The following RANBP17 variants were observed in gnomAD, a reference collection of about 807,000 sequenced individuals.
RANBP17 encodes the protein RAN binding protein 17.
Under a neutral mutation model 141.2 loss-of-function variants are expected in RANBP17, and 158 were observed. That is an observed-to-expected ratio of 1.12 (90% CI 0.98 to 1.28). The LOEUF (loss-of-function observed/expected upper bound fraction) is 1.28. RANBP17 is among the 50% of genes most tolerant of loss of function. RANBP17 has a pLI of 0.00. For synonymous variants in RANBP17, 430 were observed against 450.0 expected (o/e 0.96, Z 0.56); for missense variants, 1,438 against 1,290.7 (o/e 1.11, Z -1.75).
intron 22 of RANBP17, among the ~76,000 whole-genome samples, chr5:171,224,613 G>T (rs1763781648): frequency 6.6e-6 from 1 of 152,202 alleles, no homozygotes; most frequent in Non-Finnish European, 1.5e-5. Flanking sequence ...ACTATGTGAG[G>T]ATTATGTCGG....
intron 25 of RANBP17, among the ~76,000 whole-genome samples, chr5:171,280,003 C>T (rs1767757963): frequency 6.6e-6 from 1 of 152,114 alleles, no homozygotes; most frequent in Non-Finnish European, 1.5e-5. Flanking sequence ...GAGAAGGTTT[C>T]CCCTGCCTTC....
At chr5:171,090,732 C>T (rs1203311776) in intron 14 of RANBP17, among the ~76,000 whole-genome samples, 2 of 152,154 alleles carry the variant, frequency 1.3e-5, no homozygotes, top group Non-Finnish European at 2.9e-5. Context: ...CCCTGTGTCC[C>T]AGTCACTCCA....
intron 14 of RANBP17, among the ~76,000 whole-genome samples, chr5:171,097,329 A>T (rs1168670272): frequency 6.6e-6 from 1 of 152,122 alleles, no homozygotes; most frequent in Non-Finnish European, 1.5e-5. Context: ...AGTGCTTCTT[A>T]TGTATCAAAT....
intron 24 of RANBP17, among the ~76,000 whole-genome samples, chr5:171,261,083 C>CA (rs1554125337): frequency 3.6e-5 from 1 of 27,482 alleles, no homozygotes; most frequent in African/African-American, 1.8e-4. Flanking sequence ...TCACCCCCCA[C>CA]CCCCCCCAAA....
At chr5:171,091,559 A>T (rs1185944999) in intron 14 of RANBP17, among the ~76,000 whole-genome samples, 1 of 152,182 alleles carries the variant, frequency 6.6e-6, no homozygotes, top group Non-Finnish European at 1.5e-5. Flanking sequence ...ATGTAAGGAC[A>T]TGAGATTTGG....
At chr5:171,178,095 C>T (rs781477251) in intron 16 of RANBP17, among the ~76,000 whole-genome samples, 1 of 151,432 alleles carries the variant, frequency 6.6e-6, no homozygotes, top group Non-Finnish European at 1.5e-5. Flanking sequence ...TAGGTATACA[C>T]ATGCCATGGT....
At position 170,939,675 on chromosome 5, in the gene RANBP17, C is replaced by T. The variant is rs146967507; in HGVS notation, c.1469-13922C>T. On this transcript the variant is annotated intron_variant, in intron 12 of 27. Transcript: ENST00000523189. ...TGCTAGGATTACAGGCATGAGCCAC[C>T]GCACCTGGCTGTAAACACATTCATT... Among the ~76,000 whole-genome samples the T allele has an allele frequency of 2.4e-3, 366 of 152,080 alleles. 1 individual carries two copies. The highest frequency in any genetic ancestry group is 7.4e-3 in the African/African-American group (305 of 41,466).
chr5:171,206,496 T>G (rs1245512280), intron 20 of RANBP17: 1 of 156,466 alleles, frequency 6.4e-6, no homozygotes, highest in Non-Finnish European at 1.4e-5. Context: ...TGTTATATAA[T>G]GCTTTCATGT....
chr5:170,864,194 A>G (rs11741843), intron 1 of RANBP17, among the ~76,000 whole-genome samples: 91,401 of 152,004 alleles, frequency 0.6, 29,187 homozygotes, highest in South Asian at 0.88. Context: ...CATAACTCAT[A>G]AGTTCCGTGT....
intron 12 of RANBP17, among the ~76,000 whole-genome samples, chr5:170,943,692 A>T (rs1215270089): frequency 6.6e-6 from 1 of 152,154 alleles, no homozygotes; most frequent in East Asian, 1.9e-4. Context: ...TCTAAATGCA[A>T]TTTAGATACG....
At chr5:170,892,687 C>T (rs1769753315) in intron 4 of RANBP17, 134 bp downstream of exon 4, 2 of 661,914 alleles carry the variant, frequency 3.0e-6, no homozygotes, top group Non-Finnish European at 2.5e-6. Context: ...TATTTATCCT[C>T]TGGATCCTTT....
chr5:171,254,450 C>T (rs1338314889), intron 24 of RANBP17, among the ~76,000 whole-genome samples: 1 of 152,062 alleles, frequency 6.6e-6, no homozygotes, highest in Non-Finnish European at 1.5e-5. Context: ...CATCATAACC[C>T]TAGCAGCCTG....
At chr5:170,896,181 T>C in intron 5 of RANBP17, 66 bp downstream of exon 5, 1 of 1,160,846 alleles carries the variant, frequency 8.6e-7, no homozygotes, top group Non-Finnish European at 1.3e-6. Context: ...CTTTTCTGCT[T>C]TTATTTGTGG....
In RANBP17 at chr5:170,987,632, C is replaced by A. The variant is rs73801121; in HGVS notation, c.1710+19255C>A. Among the ~76,000 whole-genome samples, 948 of 151,612 alleles carry A rather than the reference C, an allele frequency of 6.3e-3. 11 individuals are homozygous for A. Among genetic ancestry groups the A allele is most frequent in the African/African-American group, 0.022 (900 of 41,460 alleles). On this transcript the variant is annotated intron_variant, in intron 14 of 27. Transcript: ENST00000523189. Reference sequence around the variant, plus strand: ...TGTTTTTAAAAACACACATTTTATACCTGCTTAACAGAAAGTTGAGCAAAT... The same window carrying A: ...TGTTTTTAAAAACACACATTTTATAACTGCTTAACAGAAAGTTGAGCAAAT...
intron 12 of RANBP17, among the ~76,000 whole-genome samples, chr5:170,941,712 C>A (rs74611818): frequency 0.03 from 4,603 of 152,092 alleles, 232 homozygotes; most frequent in African/African-American, 0.1. Flanking sequence ...AAGAAGTAGA[C>A]CACATGAAAT....
intron 14 of RANBP17, among the ~76,000 whole-genome samples, chr5:171,117,762 G>C (rs1013702642): frequency 2.0e-5 from 3 of 151,986 alleles, no homozygotes; most frequent in Non-Finnish European, 4.4e-5. Flanking sequence ...CAGAGTGCTG[G>C]GATTACAGAC....
Position 171,251,837 on chromosome 5 carries a change from A to G in RANBP17, c.2776+9017A>G, listed in dbSNP as rs1284993698. ...ATGTAAATCCTAATGACAGTCTCCA[A>G]ATTCGCTTCCATCTGTACCATGAGT... is the stretch of plus-strand genomic sequence containing the variant. On this transcript the variant is annotated intron_variant, in intron 24 of 27. Coordinates refer to ENST00000523189, the MANE Select transcript of RANBP17 (RefSeq NM_022897.5). 9.2e-6 allele frequency: 12 copies of G among 1,302,396 alleles called. No individual in the cohort carries two copies. In the Admixed American group the frequency reaches 1.0e-4, roughly 11 times the overall value. The allele number at this position is 1,302,396 out of a possible 1,614,324, so 80.7% of individuals were successfully genotyped here. A position where few individuals can be genotyped will look rare whatever the true frequency, so the allele number is the denominator to read the frequency against.
chr5:170,881,598 C>G (rs1319950000), intron 2 of RANBP17, among the ~76,000 whole-genome samples: 1 of 152,172 alleles, frequency 6.6e-6, no homozygotes, highest in Non-Finnish European at 1.5e-5. Flanking sequence ...TCTCCCTCAA[C>G]TAATGATTTC....
At chr5:170,987,596 T>A (rs1778231900) in intron 14 of RANBP17, among the ~76,000 whole-genome samples, 1 of 151,692 alleles carries the variant, frequency 6.6e-6, no homozygotes, top group Admixed American at 6.6e-5. Context: ...TACATGGTAA[T>A]ATATATTAAC....
Sources: allele counts gnomAD v4.1 joint callset (sites outside exome capture counted in the v4.1 genomes callset), GRCh38; gene constraint gnomAD v4.1.1; transcripts MANE v1.5; gene names NCBI Gene and HGNC (gene_info 2026-07-23, HGNC 2026-07-21).